Variants in CNTNAP2 observed in about 807,000 individuals in gnomAD.
The protein encoded by CNTNAP2 is contactin associated protein 2, also known as contactin-associated protein-like 2.
Under a neutral mutation model 155.2 loss-of-function variants are expected in CNTNAP2, and 98 were observed. The observed-to-expected ratio is 0.63, with a 90% CI of 0.54 to 0.75. The LOEUF is 0.75. CNTNAP2 is among the 30% of genes least tolerant of loss of function. The pLI, the probability that CNTNAP2 is intolerant of heterozygous loss-of-function variation, is 0.00. For missense variants in CNTNAP2, 1,727 were observed against 1,688.1 expected (o/e 1.02, Z -0.40); for synonymous variants, 651 against 631.2 (o/e 1.03, Z -0.47).
intron 3 of CNTNAP2, among the ~76,000 whole-genome samples, chr7:146,936,991 T>C (rs1008064579): frequency 6.6e-6 from 1 of 152,202 alleles, no homozygotes; most frequent in Admixed American, 6.5e-5. Flanking sequence ...GAGTTCTAGG[T>C]TGGTTTTGGC....
chr7:146,801,491 T>A (rs1332036735), intron 2 of CNTNAP2, among the ~76,000 whole-genome samples: 1 of 152,194 alleles, frequency 6.6e-6, no homozygotes, highest in Non-Finnish European at 1.5e-5. Context: ...TCTCCACATG[T>A]TGAAAGATTT....
intron 16 of CNTNAP2, among the ~76,000 whole-genome samples, chr7:148,123,638 AGG>A (rs1804647932): frequency 3.6e-5 from 1 of 27,986 alleles, no homozygotes; most frequent in East Asian, 2.7e-3. Flanking sequence ...GAGAGCAGGA[AGG>A]AAGGAAGGAA....
At chr7:147,444,966 T>C (rs1366296307) in intron 10 of CNTNAP2, among the ~76,000 whole-genome samples, 4 of 152,026 alleles carry the variant, frequency 2.6e-5, no homozygotes, top group African/African-American at 9.7e-5. Context: ...CTTCACATGG[T>C]GGAAGGAGAG....
intron 8 of CNTNAP2, among the ~76,000 whole-genome samples, chr7:147,161,157 G>A (rs1278494019): frequency 1.3e-5 from 2 of 152,076 alleles, no homozygotes; most frequent in Non-Finnish European, 1.5e-5. Flanking sequence ...AAGTGATGTT[G>A]ATGATAATAT....
rs541500515 is a variant in CNTNAP2, at chr7:146,171,762, T to TAA, written c.97+54791_97+54792dup. 7.2e-3 allele frequency among the ~76,000 whole-genome samples: 1,099 copies of TAA among 152,248 alleles called. 16 individuals are homozygous for TAA. The highest frequency in any genetic ancestry group is 0.03 in the South Asian group (143 of 4,828). On this transcript the variant is annotated intron_variant, in intron 1 of 23. Coordinates refer to ENST00000361727, the MANE Select transcript of CNTNAP2 (RefSeq NM_014141.6). ...AAACATATATAATGTGTAAATTTAATAAACTTTTAAAAATATTGAAATGAA... is the reference window on the plus strand; with the variant it reads ...AAACATATATAATGTGTAAATTTAATAAAAACTTTTAAAAATATTGAAATGAA...
chr7:147,822,645 TG>T (rs1474461722), intron 13 of CNTNAP2, among the ~76,000 whole-genome samples: 12 of 152,154 alleles, frequency 7.9e-5, no homozygotes, highest in African/African-American at 2.4e-4. Flanking sequence ...TAACTGTCCT[TG>T]ACTGATTCCA....
rs1800198004 is a variant in CNTNAP2 at position 147,083,782 on chromosome 7, A to G, written c.551-24365A>G. ...TATATGTGTATACACATATATGTATATATTATATATACATATACACATGTA... is the reference window on the plus strand; with the variant it reads ...TATATGTGTATACACATATATGTATGTATTATATATACATATACACATGTA... On this transcript the variant is annotated intron_variant, in intron 4 of 23. Coordinates refer to ENST00000361727, the MANE Select transcript of CNTNAP2 (RefSeq NM_014141.6). 3.5e-5 allele frequency among the ~76,000 whole-genome samples: 5 copies of G among 142,304 alleles called. No homozygotes were observed. In the South Asian group the frequency reaches 1.1e-3, roughly 31 times the overall value. The allele number at this position is 142,304 out of a possible 152,430, so 93.4% of individuals were successfully genotyped here.
At chr7:146,631,691 C>T (rs547853176) in intron 1 of CNTNAP2, among the ~76,000 whole-genome samples, 3 of 152,246 alleles carry the variant, frequency 2.0e-5, no homozygotes, top group South Asian at 2.1e-4. Flanking sequence ...TAAAATGGCA[C>T]GCTATTGGAC....
At chr7:147,307,640 A>G (rs1018271048) in intron 9 of CNTNAP2, among the ~76,000 whole-genome samples, 2 of 152,166 alleles carry the variant, frequency 1.3e-5, no homozygotes, top group Admixed American at 1.3e-4. Flanking sequence ...ATTTCCTTCA[A>G]AATATAAGTC....
intron 9 of CNTNAP2, among the ~76,000 whole-genome samples, chr7:147,320,414 T>C (rs1019900356): frequency 3.3e-5 from 5 of 152,112 alleles, no homozygotes; most frequent in African/African-American, 1.2e-4. Flanking sequence ...TGAAAACAGA[T>C]TGTAGGGAAA....
intron 1 of CNTNAP2, among the ~76,000 whole-genome samples, chr7:146,565,855 A>ACT (rs1798348985): frequency 6.6e-6 from 1 of 152,174 alleles, no homozygotes; most frequent in South Asian, 2.1e-4. Flanking sequence ...GAAAAGATAA[A>ACT]CTCTCATGCC....
At chr7:148,382,022 GA>G (rs1200520357) in intron 21 of CNTNAP2, among the ~76,000 whole-genome samples, 6 of 152,234 alleles carry the variant, frequency 3.9e-5, no homozygotes, top group Non-Finnish European at 7.3e-5. Flanking sequence ...TTACAGGAAA[GA>G]AACAACAGTT....
chr7:147,087,809 C>T (rs954442251), intron 4 of CNTNAP2, among the ~76,000 whole-genome samples: 2 of 151,924 alleles, frequency 1.3e-5, no homozygotes, highest in African/African-American at 4.8e-5. Flanking sequence ...AACCCCATCT[C>T]TACTAAAAAA....
intron 3 of CNTNAP2, among the ~76,000 whole-genome samples, chr7:146,859,064 TTAA>T (rs1194507188): frequency 6.6e-6 from 1 of 152,170 alleles, no homozygotes; most frequent in Non-Finnish European, 1.5e-5. Context: ...AAATGAAATC[TTAA>T]TAAAGCAATT....
chr7:146,551,231 G>A lies in CNTNAP2; in HGVS notation c.98-223040G>A, dbSNP rs564123950. Among the ~76,000 whole-genome samples, 195 of 152,104 alleles carry A rather than the reference G, an allele frequency of 1.3e-3. 1 individual carries two copies. The highest frequency in any genetic ancestry group is 4.4e-3 in the African/African-American group (182 of 41,494). On this transcript the variant is annotated intron_variant, in intron 1 of 23. Transcript: ENST00000361727. ...TCAAAATGTGCCATGTTGGTGTGCTGCACCCACCAACTCGTCATTTAACAT... is the reference window on the plus strand; with the variant it reads ...TCAAAATGTGCCATGTTGGTGTGCTACACCCACCAACTCGTCATTTAACAT...
chr7:148,006,469 G>A (rs181883412), intron 15 of CNTNAP2, among the ~76,000 whole-genome samples: 22 of 151,614 alleles, frequency 1.5e-4, no homozygotes, highest in Admixed American at 7.9e-4. Context: ...ACAAGCATGC[G>A]CCACCACGCC....
intron 12 of CNTNAP2, among the ~76,000 whole-genome samples, chr7:147,631,510 C>T (rs1795085041): frequency 6.6e-6 from 1 of 152,064 alleles, no homozygotes; most frequent in Non-Finnish European, 1.5e-5. Flanking sequence ...CAAAAACAAG[C>T]CTGCATAGCC....
intron 10 of CNTNAP2, among the ~76,000 whole-genome samples, chr7:147,403,208 G>A (rs555432257): frequency 3.9e-5 from 6 of 152,146 alleles, no homozygotes; most frequent in Admixed American, 6.5e-5. Context: ...ATTGCCAATC[G>A]GAAAATATTT....
chr7:146,574,424 C>T (rs774511415), intron 1 of CNTNAP2, among the ~76,000 whole-genome samples: 1 of 152,132 alleles, frequency 6.6e-6, no homozygotes, highest in South Asian at 2.1e-4. Flanking sequence ...ACAATTAGGC[C>T]AGGTGTGGTG....
Sources: allele counts gnomAD v4.1 joint callset (sites outside exome capture counted in the v4.1 genomes callset), GRCh38; gene constraint gnomAD v4.1.1; transcripts MANE v1.5; gene names NCBI Gene and HGNC (gene_info 2026-07-23, HGNC 2026-07-21).